The following SRFBP1 variants were observed in gnomAD, a reference collection of about 807,000 sequenced individuals.
SRFBP1 encodes serum response factor binding protein 1.
Under a neutral mutation model 45.5 loss-of-function variants are expected in SRFBP1, and 47 were observed. The ratio of observed to expected loss-of-function variants is 1.03; its 90% CI spans 0.82 to 1.32. SRFBP1 has a LOEUF of 1.32. SRFBP1 is among the 40% of genes most tolerant of loss of function. SRFBP1 has a pLI of 0.00. For synonymous variants in SRFBP1, 203 were observed against 166.3 expected (o/e 1.22, Z -1.70); for missense variants, 621 against 484.6 (o/e 1.28, Z -2.64).
chr5:122,048,523 G>C (rs142540091), intron 2 of SRFBP1, among the ~76,000 whole-genome samples: 4,344 of 152,092 alleles, frequency 0.029, 96 homozygotes, highest in Non-Finnish European at 0.042. Context: ...TGTTGTGTCT[G>C]TGTCAGGCTT....
intron 3 of SRFBP1, among the ~76,000 whole-genome samples, chr5:121,984,826 C>G (rs1351133770): frequency 6.6e-6 from 1 of 151,726 alleles, no homozygotes; most frequent in Non-Finnish European, 1.5e-5. Context: ...ACCACACAAT[C>G]CATTATCATT....
chr5:122,078,212 G>T (rs1754699052), downstream of SRFBP1: 2 of 426,288 alleles, frequency 4.7e-6, no homozygotes, highest in African/African-American at 2.1e-5. Context: ...CTCAGTCCTG[G>T]AAGGCAACGG....
At chr5:122,077,706 T>G, downstream of SRFBP1, 1 of 1,592,906 alleles carries the variant, frequency 6.3e-7, no homozygotes. This position sits in a 1 kb window ranked among gnomAD's most constrained non-coding sequence, Gnocchi z 4.9. Context: ...TTGTCGCGGA[T>G]CAGCAGGATC....
chr5:122,010,698 T>C (rs1014481405), intron 4 of SRFBP1, among the ~76,000 whole-genome samples: 2 of 151,126 alleles, frequency 1.3e-5, no homozygotes, highest in African/African-American at 4.9e-5. Flanking sequence ...TATGTGTGTG[T>C]GTATCAAATT....
intron 2 of SRFBP1, chr5:122,073,956 T>C: frequency 6.6e-7 from 1 of 1,506,218 alleles, no homozygotes; most frequent in Admixed American, 1.7e-5. Flanking sequence ...TAACTAACGG[T>C]AGATGACCCG....
intron 2 of SRFBP1, chr5:122,066,756 T>A: frequency 6.3e-7 from 1 of 1,582,922 alleles, no homozygotes; most frequent in Non-Finnish European, 8.7e-7. Context: ...ATACCTAGAT[T>A]AAGAAGACAA....
intron 7 of SRFBP1, among the ~76,000 whole-genome samples, chr5:122,025,140 T>C (rs1449920563): frequency 6.7e-6 from 1 of 150,288 alleles, no homozygotes; most frequent in Non-Finnish European, 1.5e-5. Context: ...GTCCCCGGTG[T>C]GTGATGTTCC....
chr5:121,977,605 C>T (rs1178860076), intron 3 of SRFBP1, among the ~76,000 whole-genome samples: 9 of 152,162 alleles, frequency 5.9e-5, no homozygotes, highest in African/African-American at 2.2e-4. Context: ...AAAACAAACT[C>T]TCAATCTCAA....
chr5:122,012,480 T>C (rs1753117109), intron 4 of SRFBP1, among the ~76,000 whole-genome samples: 1 of 152,134 alleles, frequency 6.6e-6, no homozygotes, highest in South Asian at 2.1e-4. Flanking sequence ...ATGAAACATA[T>C]AACTAATGTG....
At chr5:121,985,733 G>A (rs923396191) in intron 3 of SRFBP1, among the ~76,000 whole-genome samples, 1 of 151,822 alleles carries the variant, frequency 6.6e-6, no homozygotes, top group East Asian at 1.9e-4. Context: ...CAAATGCCAT[G>A]TACTTTTCTA....
At chr5:122,030,693 G>A (rs551290489), downstream of SRFBP1, among the ~76,000 whole-genome samples, 28 of 151,830 alleles carry the variant, frequency 1.8e-4, no homozygotes, top group African/African-American at 4.8e-4. Context: ...TTAAAATAGC[G>A]TCTTTAATGT....
chr5:122,028,383 A>T lies in SRFBP1; in HGVS notation c.*1257A>T, dbSNP rs1753532462. On this transcript the variant is annotated 3_prime_UTR_variant, in exon 8 of 8. Transcript: ENST00000339397. ...CACTTTGGGAGGCTGAGGCGGGTAG[A>T]TCGCTAGAGGCAAGGAGTTCAAAAC... 1 of 152,204 alleles carries T rather than the reference A, an allele frequency of 6.6e-6. No individual in the cohort carries two copies. Among genetic ancestry groups the T allele is most frequent in the South Asian group, 2.1e-4 (1 of 4,830 alleles). The allele number at this position is 152,204 out of a possible 1,614,324, so 9.4% of individuals were successfully genotyped here.
intron 2 of SRFBP1, among the ~76,000 whole-genome samples, chr5:122,040,192 A>G (rs1207832565): frequency 6.6e-6 from 1 of 152,064 alleles, no homozygotes; most frequent in Non-Finnish European, 1.5e-5. Flanking sequence ...AAGTATTTGT[A>G]TTTCAAACAT....
At position 122,020,707 on chromosome 5, in the gene SRFBP1, G is replaced by C. The variant is rs187982991; in HGVS notation, c.972G>C (p.Gly324=). Reference sequence around the variant, plus strand: ...AAGAAGATACAGGTGAAACTCATGGGGATACAAGAAATGACAAAATCAAGC... The same window carrying C: ...AAGAAGATACAGGTGAAACTCATGGCGATACAAGAAATGACAAAATCAAGC... ...FLKEDTGETH[G]DTRNDKIKPS... is the part of the protein sequence containing the mutation. Residue 324 remains glycine, a synonymous_variant, in exon 6 of 8, where the codon GGG becomes GGC. Transcript: ENST00000339397. 5,511 of 1,612,806 alleles carry C rather than the reference G, an allele frequency of 3.4e-3. 18 individuals are homozygous for C. The highest frequency in any genetic ancestry group is 5.4e-3 in the Admixed American group (322 of 59,804).
chr5:122,078,017 G>C, downstream of SRFBP1: 1 of 1,438,800 alleles, frequency 7.0e-7, no homozygotes, highest in South Asian at 1.6e-5. Flanking sequence ...CCCGCTCGAG[G>C]AGGACGTGGC....
At chr5:122,049,778 C>G (rs201183668) in intron 2 of SRFBP1, among the ~76,000 whole-genome samples, 3 of 152,012 alleles carry the variant, frequency 2.0e-5, no homozygotes, top group East Asian at 1.9e-4. Context: ...AATGACTACT[C>G]GGTACATAAC....
downstream of SRFBP1, chr5:122,078,018 A>T: frequency 2.1e-6 from 3 of 1,436,706 alleles, no homozygotes; most frequent in Non-Finnish European, 2.7e-6. Context: ...CCGCTCGAGG[A>T]GGACGTGGCT....
chr5:122,072,963 T>G (rs1754493479), intron 2 of SRFBP1, among the ~76,000 whole-genome samples: 1 of 152,226 alleles, frequency 6.6e-6, no homozygotes. Flanking sequence ...GAATAATGTG[T>G]GGGTAAGTTA....
chr5:121,966,270 A>G (rs1452377123), intron 1 of SRFBP1, among the ~76,000 whole-genome samples: 1 of 152,214 alleles, frequency 6.6e-6, no homozygotes, highest in Non-Finnish European at 1.5e-5. Flanking sequence ...ATTCTTGCGA[A>G]GTAAAGTAAA....
Sources: gnomAD v4.1 joint callset for allele counts (sites outside exome capture counted in the v4.1 genomes callset) on GRCh38, gnomAD v4.1.1 for gene constraint, Gnocchi (gnomAD v3.1) non-coding constraint, MANE v1.5 for transcripts, NCBI Gene and HGNC (gene_info 2026-07-23, HGNC 2026-07-21) for gene names.